PRR5L: variants seen among roughly 807,000 people sequenced by gnomAD.
The protein encoded by PRR5L is proline-rich protein 5-like.
A neutral mutation model predicts 36.4 loss-of-function variants in PRR5L; 21 were observed. The ratio of observed to expected loss-of-function variants is 0.58; its 90% CI spans 0.41 to 0.83. PRR5L has a LOEUF of 0.83. Among genes scored for constraint, PRR5L ranks in the 40% least tolerant of loss-of-function variants. PRR5L has a pLI of 0.00. For missense variants in PRR5L, 381 were observed against 473.3 expected, an observed-to-expected ratio of 0.80 and a Z score of 1.81; for synonymous variants, 188 against 197.0, an observed-to-expected ratio of 0.95 and a Z score of 0.38.
intron 3 of PRR5L, among the ~76,000 whole-genome samples, chr11:36,404,456 C>T (rs1200846116): frequency 1.3e-4 from 20 of 151,856 alleles, no homozygotes; most frequent in Admixed American, 7.9e-4. Context: ...TTAGTAGAGA[C>T]GAGGTTTCAT....
intron 1 of PRR5L, among the ~76,000 whole-genome samples, chr11:36,349,561 T>G (rs1856906241): frequency 6.6e-6 from 1 of 152,152 alleles, no homozygotes; most frequent in Non-Finnish European, 1.5e-5. Context: ...AGGGGCCTTC[T>G]GTTCTTTCTC....
Position 36,351,530 on chromosome 11 carries a change from TATATAAA to T in PRR5L, c.-125-49466_-125-49460del, listed in dbSNP as rs1565408433. Among the ~76,000 whole-genome samples, 26 of 14,268 alleles carry T rather than the reference TATATAAA, an allele frequency of 1.8e-3. 6 individuals are homozygous for T. The highest frequency in any genetic ancestry group is 0.016 in the South Asian group (7 of 442). 9.4% of individuals were successfully genotyped at this position (14,268 alleles called of 152,430 possible). On this transcript the variant is annotated intron_variant, in intron 1 of 8. Coordinates refer to ENST00000530639, the MANE Select transcript of PRR5L (RefSeq NM_001160167.2). ...ATATATTTATATATATTTATATATT[TATATAAA>T]TATATATTTATATATATTTATATAT... is the stretch of plus-strand genomic sequence containing the variant.
intron 6 of PRR5L, among the ~76,000 whole-genome samples, chr11:36,440,687 C>T (rs1287668563): frequency 1.3e-5 from 2 of 151,974 alleles, no homozygotes; most frequent in Non-Finnish European, 2.9e-5. Context: ...AAGGAATACC[C>T]GAGACTGGGT....
chr11:36,421,203 T>G (rs1017530671), intron 4 of PRR5L, among the ~76,000 whole-genome samples: 2 of 152,140 alleles, frequency 1.3e-5, no homozygotes, highest in Non-Finnish European at 2.9e-5. Flanking sequence ...GCTCCATGGT[T>G]TGGTGTGGTT....
chr11:36,304,830 G>A (rs61123574), intron 1 of PRR5L, among the ~76,000 whole-genome samples: 3,988 of 152,176 alleles, frequency 0.026, 160 homozygotes, highest in African/African-American at 0.089. Context: ...ATGATGAGAC[G>A]CACTTTACAC....
intron 6 of PRR5L, among the ~76,000 whole-genome samples, chr11:36,438,893 C>T (rs149930897): frequency 6.6e-6 from 1 of 152,232 alleles, no homozygotes; most frequent in Non-Finnish European, 1.5e-5. Context: ...TGAGATTGCA[C>T]CACTGCACTA....
intron 4 of PRR5L, among the ~76,000 whole-genome samples, chr11:36,430,732 A>G (rs1464513083): frequency 6.6e-6 from 1 of 152,182 alleles, no homozygotes; most frequent in Non-Finnish European, 1.5e-5. Context: ...GAAGAATGTT[A>G]TGGTATTGCT....
intron 1 of PRR5L, among the ~76,000 whole-genome samples, chr11:36,327,715 C>G (rs1336294688): frequency 6.6e-6 from 1 of 152,166 alleles, no homozygotes; most frequent in African/African-American, 2.4e-5. Flanking sequence ...ACCTTAGACT[C>G]CACAATCCCT....
intron 7 of PRR5L, among the ~76,000 whole-genome samples, chr11:36,446,913 A>G (rs2133618888): frequency 6.6e-6 from 1 of 152,274 alleles, no homozygotes; most frequent in South Asian, 2.1e-4. Context: ...CTCTACTTGT[A>G]TCTGGGCTAC....
intron 1 of PRR5L, among the ~76,000 whole-genome samples, chr11:36,339,127 C>A (rs1410208696): frequency 6.6e-6 from 1 of 152,192 alleles, no homozygotes; most frequent in Non-Finnish European, 1.5e-5. Context: ...TTGTAAATTG[C>A]CCAGTCTCAG....
chr11:36,410,594 G>T (rs1858004370), intron 3 of PRR5L, among the ~76,000 whole-genome samples: 1 of 152,190 alleles, frequency 6.6e-6, no homozygotes, highest in South Asian at 2.1e-4. Context: ...CGAGCATAGT[G>T]TGCCACATAA....
chr11:36,437,092 G>A (rs1474252565), intron 5 of PRR5L, among the ~76,000 whole-genome samples: 1 of 152,162 alleles, frequency 6.6e-6, no homozygotes, highest in East Asian at 1.9e-4. Flanking sequence ...TCTTACTAGT[G>A]AAGACTAGTA....
At chr11:36,413,947 G>C (rs1437330400) in intron 3 of PRR5L, among the ~76,000 whole-genome samples, 1 of 143,078 alleles carries the variant, frequency 7.0e-6, no homozygotes, top group Non-Finnish European at 1.5e-5. Context: ...CCACCTATGA[G>C]TGAGAACATG....
At chr11:36,376,467 G>A in intron 1 of PRR5L, 1 of 1,123,896 alleles carries the variant, frequency 8.9e-7, no homozygotes, top group Non-Finnish European at 1.1e-6. Context: ...CGCTGGAGAG[G>A]AACCGAGGCT....
At chr11:36,316,194 G>A (rs1856555269) in intron 1 of PRR5L, among the ~76,000 whole-genome samples, 1 of 152,162 alleles carries the variant, frequency 6.6e-6, no homozygotes. Flanking sequence ...TGCCATTGTA[G>A]GGCAAAAGCA....
At chr11:36,452,777 T>G (rs1858971314) in intron 8 of PRR5L, among the ~76,000 whole-genome samples, 1 of 152,238 alleles carries the variant, frequency 6.6e-6, no homozygotes, top group Non-Finnish European at 1.5e-5. Flanking sequence ...CTAATGCCAG[T>G]GTAGAGGAAG....
chr11:36,316,925 G>C (rs766418688), intron 1 of PRR5L, among the ~76,000 whole-genome samples: 1 of 152,160 alleles, frequency 6.6e-6, no homozygotes, highest in African/African-American at 2.4e-5. Flanking sequence ...CTTATGCCTA[G>C]GAATGAACAA....
At chr11:36,445,164 T>C (rs532351456) in intron 6 of PRR5L, among the ~76,000 whole-genome samples, 15 of 152,326 alleles carry the variant, frequency 9.8e-5, no homozygotes, top group African/African-American at 3.4e-4. Context: ...CATGTTTCTA[T>C]AAAACTCTAT....
intron 1 of PRR5L, among the ~76,000 whole-genome samples, chr11:36,325,670 C>G (rs1040477505): frequency 6.6e-6 from 1 of 152,148 alleles, no homozygotes; most frequent in Non-Finnish European, 1.5e-5. Flanking sequence ...GTTGCAAGCC[C>G]CCTGTTTAAA....
Sources: allele counts gnomAD v4.1 joint callset (sites outside exome capture counted in the v4.1 genomes callset), GRCh38; gene constraint gnomAD v4.1.1; transcripts MANE v1.5; gene names NCBI Gene and HGNC (gene_info 2026-07-23, HGNC 2026-07-21).